The following TTC27 variants were observed in gnomAD, a reference collection of about 807,000 sequenced individuals.
TTC27 encodes tetratricopeptide repeat protein 27.
A neutral mutation model predicts 115.9 loss-of-function variants in TTC27; 79 were observed. The ratio of observed to expected loss-of-function variants is 0.68; its 90% CI spans 0.57 to 0.82. The LOEUF is 0.82. Ranked by LOEUF, TTC27 falls within the 40% of genes least tolerant of loss-of-function variation. The pLI is 0.00. For missense variants in TTC27, 1,054 were observed against 993.1 expected, an observed-to-expected ratio of 1.06 and a Z score of -0.82; for synonymous variants, 401 against 356.0, an observed-to-expected ratio of 1.13 and a Z score of -1.42.
At chr2:32,651,800 A>C (rs1283960867) in intron 5 of TTC27, among the ~76,000 whole-genome samples, 1 of 152,218 alleles carries the variant, frequency 6.6e-6, no homozygotes, top group East Asian at 1.9e-4. Context: ...AACATATGCT[A>C]ATCTTAGATA....
At position 32,817,561 on chromosome 2, in the gene TTC27, A is replaced by G; in HGVS notation, c.2409+4A>G. 2 of 1,609,672 alleles carry G rather than the reference A, an allele frequency of 1.2e-6. No individual in the cohort carries two copies. The highest frequency in any genetic ancestry group is 1.7e-6 in the Non-Finnish European group (2 of 1,175,980). On this transcript the variant is annotated splice_donor_region_variant and intron_variant, in intron 19 of 19. Transcript: ENST00000317907. ...GGGCTTGTTATCTAAAGCAAAGGTG[A>G]GAGTGACATGTGAATTAATTGGAAT...
intron 1 of TTC27, among the ~76,000 whole-genome samples, chr2:32,629,172 A>G (rs1327239739): frequency 6.6e-6 from 1 of 151,544 alleles, no homozygotes; most frequent in East Asian, 1.9e-4. Flanking sequence ...CTCTGGCTGG[A>G]GTGCACTGGT....
intron 15 of TTC27, among the ~76,000 whole-genome samples, chr2:32,786,067 C>T (rs764438035): frequency 6.6e-6 from 1 of 152,066 alleles, no homozygotes; most frequent in African/African-American, 2.4e-5. Context: ...AAAGGCTTGA[C>T]AAATTGTTAA....
chr2:32,666,612 A>G (rs1665785265), intron 6 of TTC27, 23 bp from the exon 7 acceptor site: 3 of 1,612,924 alleles, frequency 1.9e-6, no homozygotes, highest in African/African-American at 1.3e-5. Flanking sequence ...AAGTCAGTAG[A>G]TATAATTTTA....
chr2:32,663,634 ATTTAT>A (rs60439090), intron 5 of TTC27, among the ~76,000 whole-genome samples: 2,294 of 122,708 alleles, frequency 0.019, 49 homozygotes, highest in African/African-American at 0.063. Context: ...GCCACCCCCT[ATTTAT>A]GTATGTATGT....
Position 32,723,115 on chromosome 2 carries a change from A to G in TTC27, c.1234-10713A>G, listed in dbSNP as rs565445930. 3.3e-5 allele frequency among the ~76,000 whole-genome samples: 5 copies of G among 152,314 alleles called. No homozygotes were observed. In the East Asian group the frequency reaches 9.6e-4, roughly 29 times the overall value. ...AATAATAAAGGAATGTATTAATGGG[A>G]TGAAGTAAAATATATTCGCTTAAAG... On this transcript the variant is annotated intron_variant, in intron 10 of 19. Transcript: ENST00000317907.
intron 5 of TTC27, among the ~76,000 whole-genome samples, chr2:32,652,066 T>C (rs949833208): frequency 2.6e-5 from 4 of 152,150 alleles, no homozygotes; most frequent in Non-Finnish European, 5.9e-5. Context: ...TGTATGCTTA[T>C]GTATCTTTTT....
chr2:32,744,596 T>C (rs1384147245), intron 12 of TTC27, among the ~76,000 whole-genome samples: 1 of 151,966 alleles, frequency 6.6e-6, no homozygotes, highest in Non-Finnish European at 1.5e-5. Context: ...ATGGAAGGAG[T>C]TGAGGAAGAA....
chr2:32,654,630 A>G (rs1048971791), intron 5 of TTC27, among the ~76,000 whole-genome samples: 8 of 151,984 alleles, frequency 5.3e-5, no homozygotes, highest in African/African-American at 1.9e-4. Flanking sequence ...TCCTGGGCTC[A>G]AGTGATCCTC....
chr2:32,682,847 G>GTTTTTTTTTTTTTT (rs70938360), intron 9 of TTC27, among the ~76,000 whole-genome samples: 8 of 49,774 alleles, frequency 1.6e-4, no homozygotes, highest in East Asian at 7.0e-4. Flanking sequence ...TTTTATTGTT[G>GTTTTTTTTTTTTTT]TTTTTTTTTT....
chr2:32,699,598 C>T (rs1287599529), intron 9 of TTC27, among the ~76,000 whole-genome samples: 1 of 152,180 alleles, frequency 6.6e-6, no homozygotes, highest in Non-Finnish European at 1.5e-5. Context: ...TTTCTTCTTA[C>T]TTATCCAATG....
At chr2:32,659,915 T>C (rs755074871) in intron 5 of TTC27, among the ~76,000 whole-genome samples, 4 of 152,202 alleles carry the variant, frequency 2.6e-5, no homozygotes, top group South Asian at 2.1e-4. Context: ...CAGTCTATCA[T>C]TGATGGGCAT....
chr2:32,678,785 T>C, intron 8 of TTC27, 71 bp from the exon 9 acceptor site: 1 of 1,240,724 alleles, frequency 8.1e-7, no homozygotes, highest in South Asian at 1.3e-5. Flanking sequence ...TACTTTGCTT[T>C]TTAAAAATTA....
intron 16 of TTC27, among the ~76,000 whole-genome samples, chr2:32,793,474 AAGATAAATAT>A (rs1159975084): frequency 6.6e-6 from 1 of 152,216 alleles, no homozygotes; most frequent in East Asian, 1.9e-4. Context: ...AATCTCAATA[AAGATAAATAT>A]AAGAACAATT....
At chr2:32,785,536 T>C (rs1188558595) in intron 15 of TTC27, among the ~76,000 whole-genome samples, 2 of 152,166 alleles carry the variant, frequency 1.3e-5, no homozygotes, top group East Asian at 3.9e-4. Context: ...TATCTTCCAA[T>C]GCATCAGTTT....
Position 32,628,812 on chromosome 2 carries a change from G to GT in TTC27, c.88+433dup, listed in dbSNP as rs570378939. 4.9e-4 allele frequency among the ~76,000 whole-genome samples: 74 copies of GT among 151,964 alleles called. 1 individual carries two copies. In the East Asian group the frequency reaches 0.014, roughly 29 times the overall value. On this transcript the variant is annotated intron_variant, in intron 1 of 19. Transcript: ENST00000317907. ...AGTTTTGCTTTTTGCCCAGGCTGGA[G>GT]TGCAATGGCGCGATCTCGGCTCGCT... is the stretch of plus-strand genomic sequence containing the variant.
At chr2:32,629,656 G>A (rs946194709) in intron 1 of TTC27, among the ~76,000 whole-genome samples, 2 of 146,252 alleles carry the variant, frequency 1.4e-5, no homozygotes, top group Admixed American at 6.9e-5. Context: ...AGCCAGGATG[G>A]TCTCGATCTC....
At chr2:32,754,621 G>A (rs1334114873) in intron 12 of TTC27, among the ~76,000 whole-genome samples, 3 of 150,100 alleles carry the variant, frequency 2.0e-5, no homozygotes, top group Non-Finnish European at 4.4e-5. Context: ...CCACAAAACC[G>A]CCATTGTCAT....
At chr2:32,804,843 AC>A (rs1406002890) in intron 16 of TTC27, among the ~76,000 whole-genome samples, 2 of 152,066 alleles carry the variant, frequency 1.3e-5, no homozygotes, top group Non-Finnish European at 2.9e-5. Context: ...TGGCCGATGA[AC>A]CCAATAAGAA....
Sources: allele counts gnomAD v4.1 joint callset (sites outside exome capture counted in the v4.1 genomes callset), GRCh38; gene constraint gnomAD v4.1.1; transcripts MANE v1.5; gene names NCBI Gene and HGNC (gene_info 2026-07-23, HGNC 2026-07-21).